Variants in GPC6 observed in about 807,000 individuals in gnomAD.
GPC6 encodes glypican 6, also known as glypican-6.
GPC6 carries 14 observed loss-of-function variants against 55.2 expected under a neutral mutation model. The observed-to-expected ratio is 0.25, with a 90% CI of 0.17 to 0.40. The LOEUF (loss-of-function observed/expected upper bound fraction) is 0.40. GPC6 is among the 10% of genes least tolerant of loss of function. The pLI is 1.00. For synonymous variants in GPC6, 278 were observed against 259.6 expected (o/e 1.07, Z -0.68); for missense variants, 641 against 708.5 (o/e 0.90, Z 1.08).
At chr13:93,418,638 G>T (rs543442715) in intron 1 of GPC6, among the ~76,000 whole-genome samples, 1 of 149,708 alleles carries the variant, frequency 6.7e-6, no homozygotes, top group Non-Finnish European at 1.5e-5. Flanking sequence ...GCGCTATACC[G>T]TAGTATCATT....
rs201337600 is a variant in GPC6 at position 93,830,544 on chromosome 13, A to G, written c.710A>G (p.Lys237Arg). The change falls in exon 3 of 9, where the codon AAG becomes AGG. Residue 237 changes from lysine to arginine, a missense_variant and splice_region_variant. Lys to Arg is a conservative substitution (Grantham distance 26, BLOSUM62 2). Transcript: ENST00000377047. ...VGREVANRVS[K>R]VSPTPGCIRA... ...AGAGAAGTTGCAAACCGAGTTTCCA[A>G]GGTAATTGAAAACGTGCTTTCTTTC... is the stretch of plus-strand genomic sequence containing the variant. The G allele has an allele frequency of 5.8e-4, 931 of 1,606,406 alleles. 1 individual carries two copies. The highest frequency in any genetic ancestry group is 1.0e-3 in the Middle Eastern group (6 of 6,020).
intron 1 of GPC6, among the ~76,000 whole-genome samples, chr13:93,309,780 C>A (rs1380655869): frequency 6.6e-6 from 1 of 152,182 alleles, no homozygotes; most frequent in Non-Finnish European, 1.5e-5. Context: ...AGTAATGTTA[C>A]ACAGTGTAAT....
intron 1 of GPC6, among the ~76,000 whole-genome samples, chr13:93,267,443 C>T (rs570380446): frequency 5.3e-5 from 8 of 151,624 alleles, no homozygotes; most frequent in Middle Eastern, 3.4e-3. Context: ...AAGAAATTCA[C>T]GCCAGTTTTC....
At chr13:93,451,295 C>T (rs1878214075) in intron 1 of GPC6, among the ~76,000 whole-genome samples, 1 of 152,342 alleles carries the variant, frequency 6.6e-6, no homozygotes, top group South Asian at 2.1e-4. Flanking sequence ...AAAACTTCTG[C>T]TCTATGTGTA....
At chr13:94,269,872 T>C (rs1052066471) in intron 4 of GPC6, among the ~76,000 whole-genome samples, 1 of 152,214 alleles carries the variant, frequency 6.6e-6, no homozygotes, top group African/African-American at 2.4e-5. Flanking sequence ...TATCTACAAA[T>C]TTAAGCATTT....
intron 3 of GPC6, among the ~76,000 whole-genome samples, chr13:94,018,792 G>A (rs1307633792): frequency 6.6e-6 from 1 of 152,148 alleles, no homozygotes; most frequent in African/African-American, 2.4e-5. Context: ...TCCACCTCCT[G>A]TCAGATCAGT....
chr13:93,932,928 T>A (rs993750361), intron 3 of GPC6, among the ~76,000 whole-genome samples: 4 of 151,614 alleles, frequency 2.6e-5, no homozygotes, highest in Admixed American at 6.6e-5. Flanking sequence ...CTTATTGGGC[T>A]AAAGTCAAGG....
intron 3 of GPC6, among the ~76,000 whole-genome samples, chr13:93,932,614 A>G (rs1420360113): frequency 6.6e-6 from 1 of 152,216 alleles, no homozygotes; most frequent in Admixed American, 6.5e-5. Flanking sequence ...GGGAAAATAA[A>G]TGAAACATCT....
Position 93,672,306 on chromosome 13 carries a change from A to G in GPC6, c.319+126885A>G, listed in dbSNP as rs1214557954. 9.2e-5 allele frequency among the ~76,000 whole-genome samples: 14 copies of G among 152,068 alleles called. No individual in the cohort carries two copies. In the South Asian group the frequency reaches 2.7e-3, roughly 29 times the overall value. On this transcript the variant is annotated intron_variant, in intron 2 of 8. Coordinates refer to ENST00000377047, the MANE Select transcript of GPC6 (RefSeq NM_005708.5). ...AATGTATTGCAGCTCATATTTGGAT[A>G]TAACTATTGAGTTTGTAGTGTCTGT...
chr13:94,403,386 G>A lies in GPC6; in HGVS notation c.*169G>A. 1.5e-6 allele frequency: 1 copy of A among 678,286 alleles called. No individual in the cohort carries two copies. The highest frequency in any genetic ancestry group is 2.7e-6 in the Non-Finnish European group (1 of 373,272). 42.0% of individuals were successfully genotyped at this position (678,286 alleles called of 1,614,324 possible). A position where few individuals can be genotyped will look rare whatever the true frequency, so the allele number is the denominator to read the frequency against. Reference sequence around the variant, plus strand: ...CTTTTTGTTTTCCCAAAGAGTACCGGGTGCCAGACTGAACTGCTTCCTCTT... The same window carrying A: ...CTTTTTGTTTTCCCAAAGAGTACCGAGTGCCAGACTGAACTGCTTCCTCTT... On this transcript the variant is annotated 3_prime_UTR_variant, in exon 9 of 9. Transcript: ENST00000377047.
intron 2 of GPC6, among the ~76,000 whole-genome samples, chr13:93,557,751 G>A (rs1447672446): frequency 1.3e-5 from 2 of 152,090 alleles, no homozygotes; most frequent in African/African-American, 4.8e-5. Context: ...ACTCCAAAAC[G>A]TATTCTGAAA....
At chr13:93,416,164 A>G (rs796961527) in intron 1 of GPC6, among the ~76,000 whole-genome samples, 10 of 152,198 alleles carry the variant, frequency 6.6e-5, no homozygotes, top group African/African-American at 2.4e-4. Flanking sequence ...GCACTTCTAA[A>G]TCACTGGGTA....
Position 93,595,390 on chromosome 13 carries a change from A to T in GPC6, c.319+49969A>T, listed in dbSNP as rs576968730. 3.3e-5 allele frequency among the ~76,000 whole-genome samples: 5 copies of T among 152,274 alleles called. No homozygotes were observed. In the East Asian group the frequency reaches 7.7e-4, roughly 23 times the overall value. On this transcript the variant is annotated intron_variant, in intron 2 of 8. Coordinates refer to ENST00000377047, the MANE Select transcript of GPC6 (RefSeq NM_005708.5). ...AGTTTTATCGCTTGTTGGCCATTTGACGTTAATCACTTTAAATAAAGTGTA... is the reference window on the plus strand; with the variant it reads ...AGTTTTATCGCTTGTTGGCCATTTGTCGTTAATCACTTTAAATAAAGTGTA...
intron 2 of GPC6, among the ~76,000 whole-genome samples, chr13:93,614,579 T>A (rs1266734377): frequency 6.6e-6 from 1 of 152,188 alleles, no homozygotes; most frequent in Non-Finnish European, 1.5e-5. Context: ...CAATGTGAGA[T>A]GTGGTTTTTG....
At chr13:94,343,426 G>A (rs1878137256) in intron 6 of GPC6, among the ~76,000 whole-genome samples, 1 of 152,132 alleles carries the variant, frequency 6.6e-6, no homozygotes, top group Non-Finnish European at 1.5e-5. Flanking sequence ...GAATCAGCAC[G>A]AGGTTGTTTA....
intron 4 of GPC6, among the ~76,000 whole-genome samples, chr13:94,055,812 A>T (rs1488789666): frequency 3.3e-5 from 5 of 152,162 alleles, no homozygotes; most frequent in Admixed American, 2.0e-4. Flanking sequence ...AACAAAAAGT[A>T]AAAAAATAGC....
intron 1 of GPC6, among the ~76,000 whole-genome samples, chr13:93,441,072 A>G (rs1380970687): frequency 6.6e-6 from 1 of 151,976 alleles, no homozygotes; most frequent in African/African-American, 2.4e-5. Context: ...TATGTGCCAC[A>G]TTTTCTTAAT....
intron 4 of GPC6, among the ~76,000 whole-genome samples, chr13:94,116,909 CATA>C (rs999220790): frequency 2.0e-4 from 31 of 152,108 alleles, no homozygotes; most frequent in African/African-American, 7.0e-4. Context: ...AAGGCACTGT[CATA>C]ATGAGTTGAT....
chr13:94,263,364 T>C (rs1203409991), intron 4 of GPC6, among the ~76,000 whole-genome samples: 1 of 152,204 alleles, frequency 6.6e-6, no homozygotes, highest in Non-Finnish European at 1.5e-5. Flanking sequence ...CTGTTGACTT[T>C]GACATTTCAT....
Sources: gnomAD v4.1 joint callset for allele counts (sites outside exome capture counted in the v4.1 genomes callset) on GRCh38, gnomAD v4.1.1 for gene constraint, MANE v1.5 for transcripts, NCBI Gene and HGNC (gene_info 2026-07-23, HGNC 2026-07-21) for gene names.